PCSK2: variants seen among roughly 807,000 people sequenced by gnomAD.
PCSK2 encodes proprotein convertase subtilisin/kexin type 2.
In PCSK2, 14 loss-of-function variants were observed where a neutral mutation model predicts 69.7. The ratio of observed to expected loss-of-function variants is 0.20; its 90% confidence interval spans 0.13 to 0.31. The LOEUF is 0.31. Ranked by LOEUF, PCSK2 falls within the 10% of genes least tolerant of loss-of-function variation. The pLI, the probability that PCSK2 is intolerant of heterozygous loss-of-function variation, is 1.00. For synonymous variants in PCSK2, 307 were observed against 320.7 expected (o/e 0.96, Z 0.46); for missense variants, 544 against 842.5 (o/e 0.65, Z 4.39).
At chr20:17,339,122 C>T (rs1223039206) in intron 2 of PCSK2, among the ~76,000 whole-genome samples, 1 of 152,128 alleles carries the variant, frequency 6.6e-6, no homozygotes, top group East Asian at 1.9e-4. Flanking sequence ...CTTTTCAGAC[C>T]CCATACAACA....
chr20:17,443,722 C>T (rs145986655), intron 8 of PCSK2, among the ~76,000 whole-genome samples: 3 of 152,264 alleles, frequency 2.0e-5, no homozygotes, highest in African/African-American at 4.8e-5. Context: ...CACTGCCTCT[C>T]GAAGCAGGAT....
intron 2 of PCSK2, among the ~76,000 whole-genome samples, chr20:17,357,771 G>A (rs1486345691): frequency 1.3e-5 from 2 of 152,038 alleles, no homozygotes; most frequent in African/African-American, 4.8e-5. Flanking sequence ...GCACATGCCT[G>A]TAATCCCAGC....
intron 5 of PCSK2, among the ~76,000 whole-genome samples, chr20:17,390,372 G>A (rs1255754154): frequency 2.6e-5 from 4 of 152,216 alleles, no homozygotes; most frequent in Admixed American, 1.3e-4. Flanking sequence ...CAGCATGCAT[G>A]CTTAAGATCA....
rs1190905951 is a variant in PCSK2, at chr20:17,375,566, G to A, written c.543+6289G>A. ...TAAGGGAGGGTTAATCCCTAAGGTG[G>A]GCAAAGGGATTATAAGGTAGCAACT... On this transcript the variant is annotated intron_variant, in intron 5 of 11. Coordinates refer to ENST00000262545, the MANE Select transcript of PCSK2 (RefSeq NM_002594.5). 6.6e-5 allele frequency among the ~76,000 whole-genome samples: 10 copies of A among 152,212 alleles called. No homozygotes were observed. In the East Asian group the frequency reaches 1.4e-3, roughly 21 times the overall value.
At chr20:17,237,260 T>C (rs1263637806) in intron 1 of PCSK2, among the ~76,000 whole-genome samples, 1 of 152,128 alleles carries the variant, frequency 6.6e-6, no homozygotes, top group African/African-American at 2.4e-5. Context: ...AATGATGAAG[T>C]TCATGGAAGT....
chr20:17,423,242 G>C (rs754791424), intron 6 of PCSK2, among the ~76,000 whole-genome samples: 2 of 152,136 alleles, frequency 1.3e-5, no homozygotes, highest in Non-Finnish European at 2.9e-5. Context: ...ACATTGGCTT[G>C]GTCTGGAAAG....
At chr20:17,422,192 C>T (rs1964607368) in intron 6 of PCSK2, among the ~76,000 whole-genome samples, 2 of 152,102 alleles carry the variant, frequency 1.3e-5, no homozygotes, top group African/African-American at 2.4e-5. Context: ...AGTTAATTAT[C>T]GAATTGAAGA....
intron 1 of PCSK2, among the ~76,000 whole-genome samples, chr20:17,239,995 A>G (rs1986503763): frequency 6.6e-6 from 1 of 151,586 alleles, no homozygotes; most frequent in Admixed American, 6.6e-5. Flanking sequence ...CTGGGAGTAC[A>G]GGCGCACACC....
At chr20:17,325,586 G>A (rs925519583) in intron 2 of PCSK2, among the ~76,000 whole-genome samples, 1 of 152,242 alleles carries the variant, frequency 6.6e-6, no homozygotes, top group African/African-American at 2.4e-5. Context: ...CGTAACAAAT[G>A]TAACAAGTGT....
At chr20:17,361,462 C>T (rs117203851) in intron 4 of PCSK2, among the ~76,000 whole-genome samples, 1 of 152,322 alleles carries the variant, frequency 6.6e-6, no homozygotes, top group Non-Finnish European at 1.5e-5. Context: ...CGCCTGTGGT[C>T]GTTTCACTGG....
intron 5 of PCSK2, among the ~76,000 whole-genome samples, chr20:17,393,093 G>A (rs2031424790): frequency 6.6e-6 from 1 of 152,194 alleles, no homozygotes; most frequent in Non-Finnish European, 1.5e-5. Context: ...GTGAGTAAAT[G>A]TGCTATGATA....
At chr20:17,394,087 C>T (rs988798273) in intron 5 of PCSK2, among the ~76,000 whole-genome samples, 2 of 152,102 alleles carry the variant, frequency 1.3e-5, no homozygotes, top group Admixed American at 6.6e-5. Flanking sequence ...CGCTTGAGCC[C>T]AGGAATTTGA....
chr20:17,348,370 C>G (rs939816810), intron 2 of PCSK2, among the ~76,000 whole-genome samples: 23 of 152,204 alleles, frequency 1.5e-4, no homozygotes, highest in African/African-American at 5.5e-4. Context: ...TACCCCACTG[C>G]CTTTCTACAT....
At chr20:17,322,520 C>T (rs1316570469) in intron 2 of PCSK2, among the ~76,000 whole-genome samples, 1 of 152,138 alleles carries the variant, frequency 6.6e-6, no homozygotes, top group Non-Finnish European at 1.5e-5. Flanking sequence ...TGACTTATGT[C>T]TTAGTTCATT....
At chr20:17,368,046 A>C (rs1037744024) in intron 4 of PCSK2, among the ~76,000 whole-genome samples, 3 of 152,114 alleles carry the variant, frequency 2.0e-5, no homozygotes, top group African/African-American at 7.2e-5. Context: ...AGTGACTCTC[A>C]GTCCAGTTAC....
At chr20:17,229,710 C>G (rs1441347700) in intron 1 of PCSK2, among the ~76,000 whole-genome samples, 1 of 151,982 alleles carries the variant, frequency 6.6e-6, no homozygotes, top group Non-Finnish European at 1.5e-5. Flanking sequence ...TCCCCTTTTA[C>G]ACGTTTAAGT....
In PCSK2 at chr20:17,472,300, G is replaced by A. The variant is rs114133547; in HGVS notation, c.1430+6747G>A. ...AATGTTAAAACCTGGTATCAATGCC[G>A]GAAGCAGCATGGGAGTGAGAGGTCA... On this transcript the variant is annotated intron_variant, in intron 11 of 11. Transcript: ENST00000262545. Among the ~76,000 whole-genome samples the A allele has an allele frequency of 2.4e-4, 36 of 152,326 alleles. No homozygotes were observed. In the South Asian group the frequency reaches 2.7e-3, roughly 11 times the overall value.
chr20:17,431,166 G>A (rs1414295671), intron 7 of PCSK2, among the ~76,000 whole-genome samples: 3 of 152,158 alleles, frequency 2.0e-5, no homozygotes, highest in Non-Finnish European at 2.9e-5. Context: ...AGGAATGGAG[G>A]CCAACGAAGT....
chr20:17,347,860 GA>G (rs1568612146), intron 2 of PCSK2, among the ~76,000 whole-genome samples: 1,852 of 88,588 alleles, frequency 0.021, 178 homozygotes, highest in East Asian at 0.063. Flanking sequence ...AAGAAAGAAA[GA>G]GGAGAGAGAA....
Sources: allele counts gnomAD v4.1 joint callset (sites outside exome capture counted in the v4.1 genomes callset), GRCh38; gene constraint gnomAD v4.1.1; transcripts MANE v1.5; gene names NCBI Gene and HGNC (gene_info 2026-07-23, HGNC 2026-07-21).